Variants in B3GAT2 observed in about 807,000 individuals in gnomAD.
B3GAT2 encodes the protein galactosylgalactosylxylosylprotein 3-beta-glucuronosyltransferase 2.
A neutral mutation model predicts 27.8 loss-of-function variants in B3GAT2; 26 were observed. The observed-to-expected ratio is 0.93, with a 90% CI of 0.68 to 1.30. The LOEUF (loss-of-function observed/expected upper bound fraction) is 1.30, where lower values mean the gene tolerates loss of function less well. Ranked by LOEUF, B3GAT2 falls within the 50% of genes most tolerant of loss-of-function variation. The pLI is 0.00. For synonymous variants in B3GAT2, 218 were observed against 195.1 expected (o/e 1.12, Z -0.98); for missense variants, 458 against 459.0 (o/e 1.00, Z 0.02).
chr6:70,856,935 C>G lies in B3GAT2; in HGVS notation c.*4728G>C. 1 of 1,613,958 alleles carries G rather than the reference C, an allele frequency of 6.2e-7. No individual in the cohort carries two copies. Among genetic ancestry groups the G allele is most frequent in the African/African-American group, 1.3e-5 (1 of 75,056 alleles). On this transcript the variant is annotated 3_prime_UTR_variant, in exon 4 of 4. Coordinates refer to ENST00000230053, the MANE Select transcript of B3GAT2 (RefSeq NM_080742.3). ...GATCTAGATTTATTCACTGAGCAAA[C>G]TACAAAATCAGAAGAAGTGGCAAAG... is the stretch of plus-strand genomic sequence containing the variant.
intron 2 of B3GAT2, among the ~76,000 whole-genome samples, chr6:70,862,344 A>G (rs1771770523): frequency 6.6e-6 from 1 of 152,140 alleles, no homozygotes; most frequent in African/African-American, 2.4e-5. Context: ...ATACATGCTT[A>G]CCTAACTACA....
intron 2 of B3GAT2, among the ~76,000 whole-genome samples, chr6:70,864,468 G>A (rs1337635018): frequency 2.0e-5 from 3 of 152,114 alleles, no homozygotes; most frequent in African/African-American, 4.8e-5. Flanking sequence ...AGAATGGTGC[G>A]CACCTGAAAG....
intron 1 of B3GAT2, among the ~76,000 whole-genome samples, chr6:70,940,194 C>T (rs557170648): frequency 2.0e-5 from 3 of 152,146 alleles, no homozygotes; most frequent in Non-Finnish European, 2.9e-5. Context: ...CCCTCTCTCT[C>T]TCCTACATTT....
chr6:70,868,869 C>G (rs955536363), intron 2 of B3GAT2, among the ~76,000 whole-genome samples: 1 of 152,168 alleles, frequency 6.6e-6, no homozygotes, highest in South Asian at 2.1e-4. Flanking sequence ...CCTTTCATAC[C>G]TCTTCCCAGC....
intron 1 of B3GAT2, among the ~76,000 whole-genome samples, chr6:70,936,415 T>C (rs1248998401): frequency 6.6e-6 from 1 of 152,010 alleles, no homozygotes; most frequent in African/African-American, 2.4e-5. Flanking sequence ...AATACACATC[T>C]AAAGAACTCT....
chr6:70,941,572 A>G (rs1765394382), intron 1 of B3GAT2, among the ~76,000 whole-genome samples: 1 of 152,104 alleles, frequency 6.6e-6, no homozygotes, highest in Non-Finnish European at 1.5e-5. Flanking sequence ...ATATACATAA[A>G]TGCTCATGAC....
chr6:70,886,519 C>T (rs1772189906), intron 2 of B3GAT2, among the ~76,000 whole-genome samples: 1 of 152,136 alleles, frequency 6.6e-6, no homozygotes, highest in African/African-American at 2.4e-5. Context: ...TATGTAAATG[C>T]AGAGCTGCTA....
intron 2 of B3GAT2, among the ~76,000 whole-genome samples, chr6:70,879,646 C>T (rs749558017): frequency 6.6e-6 from 1 of 152,124 alleles, no homozygotes; most frequent in Non-Finnish European, 1.5e-5. Context: ...GCTAATAGTG[C>T]AGGTGCACAC....
intron 1 of B3GAT2, among the ~76,000 whole-genome samples, chr6:70,927,690 A>T (rs1772986707): frequency 6.6e-6 from 1 of 152,174 alleles, no homozygotes; most frequent in Non-Finnish European, 1.5e-5. Context: ...GTCCTTAGAA[A>T]CCTACAAAGA....
intron 1 of B3GAT2, among the ~76,000 whole-genome samples, chr6:70,943,970 A>C (rs1190141397): frequency 2.0e-5 from 3 of 152,218 alleles, no homozygotes; most frequent in African/African-American, 4.8e-5. Flanking sequence ...CACACACACA[A>C]AAAATGATAA....
chr6:70,890,454 C>A (rs1772269224), intron 2 of B3GAT2, among the ~76,000 whole-genome samples: 2 of 152,342 alleles, frequency 1.3e-5, no homozygotes, highest in East Asian at 1.9e-4. Context: ...ATGCTCCCAG[C>A]CTGCTCCTTC....
intron 1 of B3GAT2, among the ~76,000 whole-genome samples, chr6:70,935,355 G>A (rs1372717011): frequency 2.0e-5 from 3 of 152,132 alleles, no homozygotes; most frequent in Non-Finnish European, 4.4e-5. Context: ...TCAGGAGGGT[G>A]AGGCAGGAGA....
rs529664459 is a variant in B3GAT2, at chr6:70,907,327, G to A, written c.592-13055C>T. On this transcript the variant is annotated intron_variant, in intron 1 of 3. Coordinates refer to ENST00000230053, the MANE Select transcript of B3GAT2 (RefSeq NM_080742.3). ...TCTGTCCCAGCACATTGCCATGTCT[G>A]GTTGTGATGGCTGAACTACAGCAGC... Among the ~76,000 whole-genome samples the A allele has an allele frequency of 3.9e-5, 6 of 152,270 alleles. No homozygotes were observed. In the East Asian group the frequency reaches 9.7e-4, roughly 25 times the overall value.
intron 1 of B3GAT2, among the ~76,000 whole-genome samples, chr6:70,907,004 G>C (rs778724353): frequency 3.3e-5 from 5 of 152,186 alleles, no homozygotes; most frequent in Non-Finnish European, 7.3e-5. Context: ...GGAACATGAT[G>C]AAAACCACAA....
In B3GAT2 at chr6:70,858,131, G is replaced by T. The variant is rs200644554; in HGVS notation, c.*3532C>A. ...TGGTGTGATGCCACTTCCTCAGAAC[G>T]TTGTTGGCCCCCAAGGAGGAATGGT... On this transcript the variant is annotated 3_prime_UTR_variant, in exon 4 of 4. Coordinates refer to ENST00000230053, the MANE Select transcript of B3GAT2 (RefSeq NM_080742.3). The T allele has an allele frequency of 2.7e-5, 44 of 1,614,008 alleles. No homozygotes were observed. Among genetic ancestry groups the T allele is most frequent in the Non-Finnish European group, 3.6e-5 (43 of 1,179,988 alleles).
At chr6:70,931,517 G>A (rs1773062849) in intron 1 of B3GAT2, among the ~76,000 whole-genome samples, 1 of 152,096 alleles carries the variant, frequency 6.6e-6, no homozygotes, top group South Asian at 2.1e-4. Context: ...AACCCATCAG[G>A]TGGTTATGCT....
chr6:70,857,784 T>C lies in B3GAT2; in HGVS notation c.*3879A>G. On this transcript the variant is annotated 3_prime_UTR_variant, in exon 4 of 4. Transcript: ENST00000230053. ...CTCAGGGTTTAGGTGTGGGTTGGTCTGAGTAGTAGGAGCAGCCAAACTGGA... is the reference window on the plus strand; with the variant it reads ...CTCAGGGTTTAGGTGTGGGTTGGTCCGAGTAGTAGGAGCAGCCAAACTGGA... 4.6e-6 allele frequency: 4 copies of C among 860,494 alleles called. No individual in the cohort carries two copies. Among genetic ancestry groups the C allele is most frequent in the Non-Finnish European group, 7.1e-6 (4 of 566,200 alleles). The allele number at this position is 860,494 out of a possible 1,614,324, so 53.3% of individuals were successfully genotyped here. A position where few individuals can be genotyped will look rare whatever the true frequency, so the allele number is the denominator to read the frequency against.
chr6:70,949,043 T>G (rs1765536811), intron 1 of B3GAT2, among the ~76,000 whole-genome samples: 1 of 152,112 alleles, frequency 6.6e-6, no homozygotes, highest in East Asian at 1.9e-4. Context: ...TCCTTACACC[T>G]TATACAAAAA....
rs1183854506 is a variant in B3GAT2 at position 70,857,828 on chromosome 6, A to C, written c.*3835T>G. The C allele has an allele frequency of 7.3e-7, 1 of 1,360,690 alleles. No individual in the cohort carries two copies. Among genetic ancestry groups the C allele is most frequent in the Non-Finnish European group, 1.0e-6 (1 of 987,936 alleles). The allele number at this position is 1,360,690 out of a possible 1,614,324, so 84.3% of individuals were successfully genotyped here. ...AACTGGAATTAAAATGTTTGCTGTG[A>C]GTAGTTCAGAAAGGCAATTTTTCTG... On this transcript the variant is annotated 3_prime_UTR_variant, in exon 4 of 4. Transcript: ENST00000230053.
Sources: allele counts gnomAD v4.1 joint callset (sites outside exome capture counted in the v4.1 genomes callset), GRCh38; gene constraint gnomAD v4.1.1; transcripts MANE v1.5; gene names NCBI Gene and HGNC (gene_info 2026-07-23, HGNC 2026-07-21).